TRIO: variants seen among roughly 807,000 people sequenced by gnomAD.
The protein encoded by TRIO is trio Rho guanine nucleotide exchange factor, also known as triple functional domain protein.
A neutral mutation model predicts 351.9 loss-of-function variants in TRIO; 58 were observed. That is an observed-to-expected ratio of 0.16 (90% confidence interval 0.13 to 0.21). TRIO has a LOEUF of 0.21. Among genes scored for constraint, TRIO ranks in the 10% least tolerant of loss-of-function variants. TRIO has a pLI of 1.00. For missense variants in TRIO, 3,201 were observed against 4,027.8 expected (o/e 0.79, Z 5.56); for synonymous variants, 1,758 against 1,595.7 (o/e 1.10, Z -2.42).
chr5:14,150,048 G>C (rs1368849605), intron 1 of TRIO, among the ~76,000 whole-genome samples: 1 of 152,230 alleles, frequency 6.6e-6, no homozygotes, highest in African/African-American at 2.4e-5. Context: ...CCTGAAAGGA[G>C]GGGGAGCTGG....
At chr5:14,367,068 ACC>A in intron 16 of TRIO, 89 bp downstream of exon 16, 1 of 1,555,244 alleles carries the variant, frequency 6.4e-7, no homozygotes, top group South Asian at 1.2e-5. Context: ...GACCATGGGA[ACC>A]ACATGGGGCT....
intron 3 of TRIO, among the ~76,000 whole-genome samples, chr5:14,281,867 G>A (rs1023895569): frequency 1.3e-5 from 2 of 152,182 alleles, no homozygotes; most frequent in Non-Finnish European, 2.9e-5. Flanking sequence ...GATGTAAGAT[G>A]GTAACAGCAT....
At chr5:14,377,975 C>T in intron 19 of TRIO, 37 bp from the exon 20 acceptor site, 1 of 1,514,004 alleles carries the variant, frequency 6.6e-7, no homozygotes, top group Non-Finnish European at 9.1e-7. Flanking sequence ...TAATTGATTG[C>T]AAGCACCAAC....
At chr5:14,495,657 A>G (rs942061957) in intron 49 of TRIO, among the ~76,000 whole-genome samples, 4 of 115,060 alleles carry the variant, frequency 3.5e-5, no homozygotes, top group Non-Finnish European at 7.2e-5. Context: ...CGTCTCTACT[A>G]GAAAAAAAAA....
At chr5:14,179,293 C>T (rs751964084) in intron 1 of TRIO, among the ~76,000 whole-genome samples, 5 of 152,068 alleles carry the variant, frequency 3.3e-5, no homozygotes, top group Admixed American at 6.5e-5. Flanking sequence ...CTCAAACATA[C>T]GGTGAAGTTA....
Position 14,283,746 on chromosome 5 carries a change from C to G in TRIO, c.348-3125C>G, listed in dbSNP as rs374066499. Reference sequence around the variant, plus strand: ...GAGTATTATTGCTGGGGTCGCCCCTCCCTGCCCTTTTTTTTTTAAACAAAC... The same window carrying G: ...GAGTATTATTGCTGGGGTCGCCCCTGCCTGCCCTTTTTTTTTTAAACAAAC... On this transcript the variant is annotated intron_variant, in intron 3 of 56. Coordinates refer to ENST00000344204, the MANE Select transcript of TRIO (RefSeq NM_007118.4). Among the ~76,000 whole-genome samples the G allele has an allele frequency of 1.6e-4, 24 of 152,008 alleles. 1 individual carries two copies. In the Middle Eastern group the frequency reaches 0.01, roughly 65 times the overall value.
At position 14,233,245 on chromosome 5, in the gene TRIO, C is replaced by G. The variant is rs1178745498; in HGVS notation, c.158-37580C>G. Reference sequence around the variant, plus strand: ...GTTTTAATCCCAGCACTTCGGGAAGCCAAGGCAAGTGGATCACTTGAGCCC... The same window carrying G: ...GTTTTAATCCCAGCACTTCGGGAAGGCAAGGCAAGTGGATCACTTGAGCCC... On this transcript the variant is annotated intron_variant, in intron 1 of 56. Transcript: ENST00000344204. Among the ~76,000 whole-genome samples the G allele has an allele frequency of 2.7e-5, 4 of 149,096 alleles. No individual in the cohort carries two copies. The East Asian group carries it at 7.9e-4, about 30-fold the overall frequency.
chr5:14,435,832 C>T (rs892383076), intron 34 of TRIO, among the ~76,000 whole-genome samples: 4 of 152,216 alleles, frequency 2.6e-5, no homozygotes, highest in African/African-American at 9.7e-5. Flanking sequence ...TACTTTCTGG[C>T]ACTATAGGAT....
chr5:14,180,550 T>C (rs1789708014), intron 1 of TRIO, among the ~76,000 whole-genome samples: 1 of 152,304 alleles, frequency 6.6e-6, no homozygotes, highest in African/African-American at 2.4e-5. Context: ...TATGAAAATA[T>C]AGGCCAGACA....
At chr5:14,312,798 C>G (rs1285808624) in intron 8 of TRIO, among the ~76,000 whole-genome samples, 2 of 152,144 alleles carry the variant, frequency 1.3e-5, no homozygotes, top group African/African-American at 4.8e-5. Flanking sequence ...TTTGTCTGCT[C>G]TATATAGTCT....
At chr5:14,283,486 G>A (rs1165888621) in intron 3 of TRIO, among the ~76,000 whole-genome samples, 2 of 152,172 alleles carry the variant, frequency 1.3e-5, no homozygotes, top group East Asian at 1.9e-4. Flanking sequence ...ATCATTGTGA[G>A]TATCGAGTAA....
rs1757904823 is a variant in TRIO, at chr5:14,508,919, C to T, written c.*497C>T. The T allele has an allele frequency of 6.1e-6, 1 of 164,318 alleles. No homozygotes were observed. Among genetic ancestry groups the T allele is most frequent in the African/African-American group, 2.4e-5 (1 of 41,484 alleles). The allele number at this position is 164,318 out of a possible 1,614,324, so 10.2% of individuals were successfully genotyped here. ...CGCCTCGTCTGTGTGCATCTCACGC[C>T]CGACGTGGCTTCTGAAACGTGCATT... On this transcript the variant is annotated 3_prime_UTR_variant, in exon 57 of 57. Transcript: ENST00000344204.
chr5:14,247,641 A>G (rs1794512275), intron 1 of TRIO, among the ~76,000 whole-genome samples: 1 of 152,192 alleles, frequency 6.6e-6, no homozygotes. Context: ...TGCACTTAAA[A>G]TAGGTGTTAA....
At chr5:14,155,559 TCTC>T (rs1788057262) in intron 1 of TRIO, among the ~76,000 whole-genome samples, 1 of 152,226 alleles carries the variant, frequency 6.6e-6, no homozygotes, top group South Asian at 2.1e-4. Flanking sequence ...ATTTGGAACA[TCTC>T]CTCAGCCTGT....
At chr5:14,222,010 C>T (rs183171456) in intron 1 of TRIO, among the ~76,000 whole-genome samples, 112 of 152,230 alleles carry the variant, frequency 7.4e-4, no homozygotes, top group Middle Eastern at 3.4e-3. Flanking sequence ...AAGAAATTGC[C>T]GCAGCCACCC....
rs1757743803 is a variant in TRIO, at chr5:14,507,109, C to T, written c.8613-13C>T. 1.9e-6 allele frequency: 3 copies of T among 1,569,114 alleles called. No individual in the cohort carries two copies. Among genetic ancestry groups the T allele is most frequent in the Non-Finnish European group, 1.7e-6 (2 of 1,160,620 alleles). ...AATCGCATCATAACAGTCACCCGCT[C>T]CTGCCTCTTTAGGGCTGACCAGGGT... On this transcript the variant is annotated splice_polypyrimidine_tract_variant and intron_variant, in intron 55 of 56. Coordinates refer to ENST00000344204, the MANE Select transcript of TRIO (RefSeq NM_007118.4).
At chr5:14,285,115 T>A (rs190836468) in intron 3 of TRIO, among the ~76,000 whole-genome samples, 1 of 152,240 alleles carries the variant, frequency 6.6e-6, no homozygotes, top group Admixed American at 6.5e-5. Flanking sequence ...AGAAAACAGG[T>A]GATGTTTCTG....
chr5:14,229,086 G>T (rs925650172), intron 1 of TRIO, among the ~76,000 whole-genome samples: 3 of 152,022 alleles, frequency 2.0e-5, no homozygotes, highest in African/African-American at 7.3e-5. Context: ...TATTGATTAT[G>T]ATATATATAG....
chr5:14,293,979 C>T (rs764425234), intron 6 of TRIO, among the ~76,000 whole-genome samples: 3 of 149,788 alleles, frequency 2.0e-5, no homozygotes, highest in Admixed American at 6.7e-5. Context: ...CAATATGAAC[C>T]GGCCTGGGCA....
Sources: gnomAD v4.1 joint callset for allele counts (sites outside exome capture counted in the v4.1 genomes callset) on GRCh38, gnomAD v4.1.1 for gene constraint, MANE v1.5 for transcripts, NCBI Gene and HGNC (gene_info 2026-07-23, HGNC 2026-07-21) for gene names.